Variants in KIF6 observed in about 807,000 individuals in gnomAD.
KIF6 encodes the protein kinesin-like protein KIF6.
A neutral mutation model predicts 112.7 loss-of-function variants in KIF6; 106 were observed. The observed-to-expected ratio is 0.94, with a 90% CI of 0.80 to 1.11. The LOEUF (loss-of-function observed/expected upper bound fraction) is 1.11, where lower values mean the gene tolerates loss of function less well. Ranked by LOEUF, KIF6 falls within the 50% of genes least tolerant of loss-of-function variation. KIF6 has a pLI of 0.00. For missense variants in KIF6, 929 were observed against 964.0 expected (o/e 0.96, Z 0.48); for synonymous variants, 339 against 339.9 (o/e 1.00, Z 0.03).
chr6:39,431,916 A>G (rs1287253859), intron 13 of KIF6, among the ~76,000 whole-genome samples: 1 of 151,390 alleles, frequency 6.6e-6, no homozygotes, highest in Admixed American at 6.6e-5. Flanking sequence ...CCTCAGTGAG[A>G]GCTGAATTCA....
At chr6:39,507,583 T>C (rs1776492948) in intron 13 of KIF6, among the ~76,000 whole-genome samples, 1 of 151,554 alleles carries the variant, frequency 6.6e-6, no homozygotes, top group East Asian at 2.0e-4. Flanking sequence ...ACCATATAAC[T>C]GCTTGATTCT....
rs989272720 is a variant in KIF6 at position 39,722,800 on chromosome 6, CTT to C, written c.67-1991_67-1990del. Among the ~76,000 whole-genome samples the C allele has an allele frequency of 2.8e-4, 42 of 152,310 alleles. No individual in the cohort carries two copies. The South Asian group carries it at 5.8e-3, about 21-fold the overall frequency. On this transcript the variant is annotated intron_variant, in intron 1 of 22. Transcript: ENST00000287152. ...TTCAATATTTATTCATTCCCATTCT[CTT>C]TGTGTGTATGTGTGTGTGACACCTA...
intron 15 of KIF6, among the ~76,000 whole-genome samples, 193 bp downstream of exon 15, chr6:39,419,754 GA>G (rs1770213283): frequency 6.6e-6 from 1 of 152,168 alleles, no homozygotes; most frequent in African/African-American, 2.4e-5. Flanking sequence ...CTAGACAAAA[GA>G]AAGTGCTTTT....
chr6:39,385,334 T>C (rs7774367), intron 16 of KIF6, among the ~76,000 whole-genome samples: 20,839 of 151,504 alleles, frequency 0.14, 2,647 homozygotes, highest in African/African-American at 0.33. Flanking sequence ...TGGGACACAG[T>C]GGGTGAATTT....
intron 16 of KIF6, among the ~76,000 whole-genome samples, chr6:39,375,112 C>A (rs11969468): frequency 1.2e-3 from 177 of 152,196 alleles, no homozygotes; most frequent in Middle Eastern, 3.4e-3. Flanking sequence ...AAGCCAGGCA[C>A]AGAAAGACAA....
chr6:39,599,886 A>G (rs1031704470), intron 6 of KIF6, among the ~76,000 whole-genome samples: 13 of 152,232 alleles, frequency 8.5e-5, no homozygotes, highest in Admixed American at 5.2e-4. Flanking sequence ...TGAGATTCAC[A>G]TAAACTAAAA....
intron 15 of KIF6, 79 bp from the exon 16 acceptor site, chr6:39,385,751 C>CTAAA: frequency 1.6e-6 from 1 of 620,572 alleles, no homozygotes; most frequent in East Asian, 3.4e-5. Context: ...ATGTGGCAAG[C>CTAAA]TACAGAAAAA....
At chr6:39,410,869 G>A (rs1447520921) in intron 15 of KIF6, among the ~76,000 whole-genome samples, 1 of 152,160 alleles carries the variant, frequency 6.6e-6, no homozygotes, top group Non-Finnish European at 1.5e-5. Flanking sequence ...TTTTAAAAGA[G>A]AGAGCTTCCT....
chr6:39,640,146 C>A (rs193189304), intron 3 of KIF6, among the ~76,000 whole-genome samples: 12 of 152,242 alleles, frequency 7.9e-5, no homozygotes, highest in Non-Finnish European at 1.3e-4. Context: ...ATAGTAGTTA[C>A]TTCCTAGAAC....
chr6:39,435,652 T>C (rs945425495), intron 13 of KIF6, among the ~76,000 whole-genome samples: 5 of 152,204 alleles, frequency 3.3e-5, no homozygotes, highest in Non-Finnish European at 7.3e-5. Context: ...CTCGAGTTAC[T>C]TTACTTAGGA....
At position 39,378,281 on chromosome 6, in the gene KIF6, CAT is replaced by C. The variant is rs1479745148; in HGVS notation, c.1861+7339_1861+7340del. On this transcript the variant is annotated intron_variant, in intron 16 of 22. Transcript: ENST00000287152. This position sits in a 1 kb window ranked among gnomAD's most constrained non-coding sequence, Gnocchi z 5.0. ...CACACAAACCCACAAACCACACACA[CAT>C]ACACACCACACACACAAGCACAAAA... is the stretch of plus-strand genomic sequence containing the variant. Among the ~76,000 whole-genome samples the C allele has an allele frequency of 2.0e-5, 3 of 151,828 alleles. No homozygotes were observed. Among genetic ancestry groups the C allele is most frequent in the African/African-American group, 7.3e-5 (3 of 41,316 alleles).
intron 22 of KIF6, among the ~76,000 whole-genome samples, chr6:39,340,777 G>A (rs182741122): frequency 3.3e-4 from 50 of 152,160 alleles, no homozygotes; most frequent in African/African-American, 1.1e-3. Context: ...TCTTCTGTTT[G>A]GAGAGAGTTA....
intron 16 of KIF6, among the ~76,000 whole-genome samples, chr6:39,367,561 C>T (rs1395591587): frequency 1.3e-5 from 2 of 152,078 alleles, no homozygotes; most frequent in Non-Finnish European, 2.9e-5. Context: ...AGCAGTCAAA[C>T]AGTAACTGAA....
chr6:39,685,189 T>C (rs746114614), intron 3 of KIF6, among the ~76,000 whole-genome samples: 1 of 151,850 alleles, frequency 6.6e-6, no homozygotes, highest in Non-Finnish European at 1.5e-5. Flanking sequence ...TCTCATAGAG[T>C]TGGAAAAATC....
chr6:39,466,278 T>A (rs1164034188), intron 13 of KIF6, among the ~76,000 whole-genome samples: 1 of 152,194 alleles, frequency 6.6e-6, no homozygotes, highest in Non-Finnish European at 1.5e-5. Context: ...AAACACCGGC[T>A]GCCAGGATTC....
At chr6:39,529,391 G>A (rs564685020) in intron 13 of KIF6, among the ~76,000 whole-genome samples, 55 of 152,250 alleles carry the variant, frequency 3.6e-4, no homozygotes, top group African/African-American at 9.1e-4. Context: ...AGAAAATATT[G>A]TAAGCCATAC....
intron 13 of KIF6, among the ~76,000 whole-genome samples, chr6:39,464,172 C>T (rs1325584117): frequency 6.6e-6 from 1 of 152,062 alleles, no homozygotes; most frequent in East Asian, 1.9e-4. Context: ...ATGAGGTGGT[C>T]AGCACTGAAA....
At chr6:39,424,430 C>T (rs1387347658) in intron 14 of KIF6, among the ~76,000 whole-genome samples, 2 of 152,234 alleles carry the variant, frequency 1.3e-5, no homozygotes, top group African/African-American at 2.4e-5. Context: ...GCAACCACAT[C>T]TGCTTAATTC....
intron 17 of KIF6, 77 bp downstream of exon 17, chr6:39,362,357 G>T: frequency 1.8e-6 from 2 of 1,090,626 alleles, no homozygotes; most frequent in Non-Finnish European, 2.8e-6. Flanking sequence ...AGTAGCTGCA[G>T]CCCTGGGAAG....
Sources: gnomAD v4.1 joint callset for allele counts (sites outside exome capture counted in the v4.1 genomes callset) on GRCh38, gnomAD v4.1.1 for gene constraint, Gnocchi (gnomAD v3.1) non-coding constraint, MANE v1.5 for transcripts, NCBI Gene and HGNC (gene_info 2026-07-23, HGNC 2026-07-21) for gene names.